Variants in VASP observed in about 807,000 individuals in gnomAD.
VASP encodes the protein vasodilator stimulated phosphoprotein, also known as vasodilator-stimulated phosphoprotein.
Under a neutral mutation model 54.4 loss-of-function variants are expected in VASP, and 27 were observed. That is an observed-to-expected ratio of 0.50 (90% CI 0.37 to 0.68). The LOEUF is 0.68. Ranked by LOEUF, VASP falls within the 30% of genes least tolerant of loss-of-function variation. The probability of loss-of-function intolerance (pLI) is 0.00; values close to 1 mark genes in which losing one functional copy is unlikely to be tolerated. For missense variants in VASP, 488 were observed against 528.3 expected, an observed-to-expected ratio of 0.92 and a Z score of 0.75; for synonymous variants, 233 against 209.8, an observed-to-expected ratio of 1.11 and a Z score of -0.96.
intron 3 of VASP, among the ~76,000 whole-genome samples, chr19:45,519,336 G>A (rs1968774953): frequency 6.6e-6 from 1 of 151,816 alleles, no homozygotes; most frequent in South Asian, 2.1e-4. Flanking sequence ...TAGAGAAGGG[G>A]TTTCACCATA....
chr19:45,515,432 G>A (rs1968682180), intron 1 of VASP, among the ~76,000 whole-genome samples: 1 of 152,186 alleles, frequency 6.6e-6, no homozygotes, highest in African/African-American at 2.4e-5. Context: ...GCTGGTGGGA[G>A]GGTCCCGAGG....
chr19:45,515,758 G>GA (rs1968689380), intron 1 of VASP, among the ~76,000 whole-genome samples: 1 of 152,030 alleles, frequency 6.6e-6, no homozygotes, highest in Non-Finnish European at 1.5e-5. Flanking sequence ...GGCTGGTCTC[G>GA]AACACCTGAG....
rs1568390471 is a variant in VASP at position 45,523,189 on chromosome 19, A to ATTTTTTTTTTTTTTTTTTT, written c.821+371_821+372insTTTTTTTTTTTTTTTTTTT. 1.9e-5 allele frequency among the ~76,000 whole-genome samples: 2 copies of ATTTTTTTTTTTTTTTTTTT among 106,970 alleles called. 1 individual carries two copies. The highest frequency in any genetic ancestry group is 8.1e-5 in the African/African-American group (2 of 24,708). 70.2% of individuals were successfully genotyped at this position (106,970 alleles called of 152,430 possible). A position where few individuals can be genotyped will look rare whatever the true frequency, so the allele number is the denominator to read the frequency against. Reference sequence around the variant, plus strand: ...CTGATTCTAGAACCACAATCTCTTGAATTTTTTTTTTTTTTTTTTTTTTTT... The same window carrying ATTTTTTTTTTTTTTTTTTT: ...CTGATTCTAGAACCACAATCTCTTGATTTTTTTTTTTTTTTTTTTATTTTTTTTTTTTTTTTTTTTTTTT... On this transcript the variant is annotated intron_variant, in intron 7 of 12. Coordinates refer to ENST00000245932, the MANE Select transcript of VASP (RefSeq NM_003370.4).
chr19:45,523,667 A>T lies in VASP; in HGVS notation c.845A>T (p.Glu282Val). 6.2e-7 allele frequency: 1 copy of T among 1,614,088 alleles called. No individual in the cohort carries two copies. Among genetic ancestry groups the T allele is most frequent in the Non-Finnish European group, 8.5e-7 (1 of 1,180,026 alleles). Residue 282 changes from glutamate (E) to valine (V), a missense_variant, in exon 8 of 13, where the codon GAG becomes GTG. Coordinates refer to ENST00000245932, the MANE Select transcript of VASP (RefSeq NM_003370.4). ...AGAAGGAAAGCCACGCAAGTTGGGG[A>T]GAAAACCCCCAAGGATGAATCTGCC... The part of the protein sequence containing the change: ...ARRRKATQVG[E>V]KTPKDESANQ...
Position 45,514,806 on chromosome 19 carries a change from G to T in VASP, c.6-2857G>T, listed in dbSNP as rs547764050. Among the ~76,000 whole-genome samples the T allele has an allele frequency of 2.0e-5, 3 of 152,296 alleles. No homozygotes were observed. In the South Asian group the frequency reaches 6.2e-4, roughly 32 times the overall value. Reference sequence around the variant, plus strand: ...GCAGGAGCCAGAAACAGCCCCCGAGGCTGTGTTTGTCTGGAAAGGGCACCT... The same window carrying T: ...GCAGGAGCCAGAAACAGCCCCCGAGTCTGTGTTTGTCTGGAAAGGGCACCT... On this transcript the variant is annotated intron_variant, in intron 1 of 12. Coordinates refer to ENST00000245932, the MANE Select transcript of VASP (RefSeq NM_003370.4).
chr19:45,514,816 T>C (rs1968670995), intron 1 of VASP, among the ~76,000 whole-genome samples: 1 of 152,014 alleles, frequency 6.6e-6, no homozygotes, highest in Non-Finnish European at 1.5e-5. Context: ...GCTGTGTTTG[T>C]CTGGAAAGGG....
At chr19:45,514,506 C>G (rs1226683773) in intron 1 of VASP, among the ~76,000 whole-genome samples, 2 of 152,188 alleles carry the variant, frequency 1.3e-5, no homozygotes, top group Non-Finnish European at 2.9e-5. Context: ...CAGGCATGAG[C>G]CACCGTTCCC....
intron 1 of VASP, among the ~76,000 whole-genome samples, chr19:45,509,517 C>CCCATCCCCACCA (rs1555727386): frequency 6.6e-6 from 1 of 150,982 alleles, no homozygotes; most frequent in African/African-American, 2.4e-5. Flanking sequence ...CCCTGTCCTC[C>CCCATCCCCACCA]CCACCACCAC....
At chr19:45,517,633 G>A (rs151128792) in intron 1 of VASP, 30 bp from the exon 2 acceptor site, 33 of 1,595,244 alleles carry the variant, frequency 2.1e-5, no homozygotes, top group Admixed American at 5.0e-5. Context: ...GAAGGTGACC[G>A]GCCCCTCTCC....
chr19:45,513,468 C>CT (rs71173173), intron 1 of VASP, among the ~76,000 whole-genome samples: 1,624 of 92,784 alleles, frequency 0.018, 71 homozygotes, highest in Admixed American at 0.05. Context: ...AGTCTCTCTC[C>CT]TTTTTTTTTT....
At chr19:45,525,833 C>T in intron 11 of VASP, 113 bp from the exon 12 acceptor site, 1 of 1,047,518 alleles carries the variant, frequency 9.5e-7, no homozygotes, top group South Asian at 1.6e-5. Flanking sequence ...CATGCCATTG[C>T]ACCCTAGCCT....
At chr19:45,519,046 A>C (rs1235638936) in intron 3 of VASP, among the ~76,000 whole-genome samples, 1 of 127,480 alleles carries the variant, frequency 7.8e-6, no homozygotes, top group Non-Finnish European at 1.7e-5. Flanking sequence ...ACAGAGTCTC[A>C]CTCTGTTGCC....
chr19:45,514,698 C>T (rs1408587953), intron 1 of VASP, among the ~76,000 whole-genome samples: 3 of 152,168 alleles, frequency 2.0e-5, no homozygotes, highest in Non-Finnish European at 4.4e-5. Context: ...GCAGCAGCCC[C>T]GGGCTCCTGG....
At chr19:45,514,657 T>C (rs190402344) in intron 1 of VASP, among the ~76,000 whole-genome samples, 3 of 152,312 alleles carry the variant, frequency 2.0e-5, no homozygotes, top group African/African-American at 4.8e-5. Flanking sequence ...CAGGGCTGCC[T>C]GGGAGAGCAA....
rs1968521498 is a variant in VASP, at chr19:45,507,935, T to A, written c.5+159T>A. 6.6e-6 allele frequency among the ~76,000 whole-genome samples: 1 copy of A among 151,850 alleles called. No homozygotes were observed. The highest frequency in any genetic ancestry group is 1.5e-5 in the Non-Finnish European group (1 of 67,922). On this transcript the variant is annotated intron_variant, in intron 1 of 12. Transcript: ENST00000245932. The surrounding 1 kb of genome is among the most constrained non-coding windows in gnomAD (Gnocchi z 4.4). ...TCCCCTTGGACGCGCCCCAGAACCG[T>A]CGATCACTTCTCCACGACTGACTCC... is the stretch of plus-strand genomic sequence containing the variant.
chr19:45,517,888 C>CCT, intron 2 of VASP, 41 bp from the exon 3 acceptor site: 1 of 1,575,204 alleles, frequency 6.3e-7, no homozygotes, highest in Non-Finnish European at 8.6e-7. Flanking sequence ...CGCCCCACCC[C>CCT]TGCGCCCGCC....
chr19:45,518,187 G>T (rs762157791), intron 3 of VASP, 93 bp downstream of exon 3: 1 of 1,474,708 alleles, frequency 6.8e-7, no homozygotes. Flanking sequence ...TTTACTCGTC[G>T]GTAAAATAGA....
chr19:45,519,937 CTCTG>C (rs1968795689), intron 3 of VASP, among the ~76,000 whole-genome samples: 1 of 111,066 alleles, frequency 9.0e-6, no homozygotes, highest in Non-Finnish European at 1.7e-5. Flanking sequence ...TGGAGTCTCA[CTCTG>C]TCTCTCAGGC....
Position 45,521,364 on chromosome 19 carries a change from T to TCCCGAACGGCCCCTC in VASP, c.391_405dup (p.Asn131_Pro135dup). 1 of 1,582,950 alleles carries TCCCGAACGGCCCCTC rather than the reference T, an allele frequency of 6.3e-7. No individual in the cohort carries two copies. The highest frequency in any genetic ancestry group is 8.6e-7 in the Non-Finnish European group (1 of 1,164,632). Reference sequence around the variant, plus strand: ...CCCCCAGCACTTCCCACCTGGTCGGTCCCGAACGGCCCCTCCCCGGAGGAG... The same window carrying TCCCGAACGGCCCCTC: ...CCCCCAGCACTTCCCACCTGGTCGGTCCCGAACGGCCCCTCCCCGAACGGCCCCTCCCCGGAGGAG... On this transcript the variant is annotated inframe_insertion, in exon 4 of 13. Coordinates refer to ENST00000245932, the MANE Select transcript of VASP (RefSeq NM_003370.4).
Sources: allele counts gnomAD v4.1 joint callset (sites outside exome capture counted in the v4.1 genomes callset), GRCh38; gene constraint gnomAD v4.1.1; non-coding constraint Gnocchi (gnomAD v3.1); transcripts MANE v1.5; gene names NCBI Gene and HGNC (gene_info 2026-07-23, HGNC 2026-07-21).